The following GAPDH variants were observed in gnomAD, a reference collection of about 807,000 sequenced individuals.
The protein encoded by GAPDH is glyceraldehyde-3-phosphate dehydrogenase.
GAPDH carries 13 observed loss-of-function variants against 31.2 expected under a neutral mutation model. That is an observed-to-expected ratio of 0.42 (90% CI 0.27 to 0.66). The LOEUF is 0.66. GAPDH is among the 30% of genes least tolerant of loss of function. The probability of loss-of-function intolerance (pLI) is 0.26; values close to 1 mark genes in which losing one functional copy is unlikely to be tolerated. For synonymous variants in GAPDH, 211 were observed against 166.9 expected (o/e 1.26, Z -2.04); for missense variants, 300 against 443.7 (o/e 0.68, Z 2.91).
At chr12:6,534,888 C>G in intron 2 of GAPDH, 27 bp downstream of exon 2, 1 of 1,610,774 alleles carries the variant, frequency 6.2e-7, no homozygotes, top group Non-Finnish European at 8.5e-7. Flanking sequence ...CTGGGGGGCC[C>G]TGGGCTGCGA....
Position 6,537,494 on chromosome 12 carries a change from A to T in GAPDH, c.526-90A>T. 1.3e-6 allele frequency: 2 copies of T among 1,583,644 alleles called. No individual in the cohort carries two copies. Among genetic ancestry groups the T allele is most frequent in the Non-Finnish European group, 1.7e-6 (2 of 1,159,908 alleles). On this transcript the variant is annotated intron_variant, in intron 7 of 8. Coordinates refer to ENST00000229239, the MANE Select transcript of GAPDH (RefSeq NM_002046.7). This position sits in a 1 kb window ranked among gnomAD's most constrained non-coding sequence, Gnocchi z 4.9. ...AACCCTGGGGTTGGGGGTTCTGGGG[A>T]CTGGCTTTCCCATAATTTCCTTTCA... is the stretch of plus-strand genomic sequence containing the variant.
In GAPDH at chr12:6,534,846, A is replaced by G. The variant is rs1946423787; in HGVS notation, c.14A>G (p.Lys5Arg). The G allele has an allele frequency of 1.2e-6, 2 of 1,613,410 alleles. No individual in the cohort carries two copies. The highest frequency in any genetic ancestry group is 1.7e-5 in the Admixed American group (1 of 59,982). Residue 5 changes from lysine (K) to arginine (R), a missense_variant, in exon 2 of 9, where the codon AAG becomes AGG. Transcript: ENST00000229239. Reference protein sequence around the residue: MGKVKVGVNGFGRIG... With the variant: MGKVRVGVNGFGRIG... ...CGCTCAGACACCATGGGGAAGGTGA[A>G]GGTCGGAGTCAACGGGTGAGTTCGC...
chr12:6,535,247 G>A, intron 2 of GAPDH: 1 of 1,065,518 alleles, frequency 9.4e-7, no homozygotes, highest in Non-Finnish European at 1.1e-6. Flanking sequence ...ATGCTAGTGC[G>A]CAGCGGGTGC....
intron 1 of GAPDH, 95 bp downstream of exon 1, chr12:6,534,664 G>A (rs1946417391): frequency 4.1e-6 from 3 of 738,066 alleles, no homozygotes; most frequent in Admixed American, 2.1e-5. Flanking sequence ...GCTGCGGGGT[G>A]GGCCCGGGCG....
chr12:6,535,170 C>T lies in GAPDH; in HGVS notation c.29+309C>T, dbSNP rs1043792839. ...GTGGGGGACGCTTTCTTTCCTTTCG[C>T]GCTCTGCGGGGTCACGTGTCGCAGA... On this transcript the variant is annotated intron_variant, in intron 2 of 8. Coordinates refer to ENST00000229239, the MANE Select transcript of GAPDH (RefSeq NM_002046.7). 16 of 1,089,482 alleles carry T rather than the reference C, an allele frequency of 1.5e-5. No individual in the cohort carries two copies. In the African/African-American group the frequency reaches 2.0e-4, roughly 14 times the overall value. The allele number at this position is 1,089,482 out of a possible 1,614,324, so 67.5% of individuals were successfully genotyped here.
rs1221879462 is a variant in GAPDH at position 6,535,156 on chromosome 12, TTTC to T, written c.29+298_29+300del. Reference sequence around the variant, plus strand: ...ACCCGGACCCCTAGGTGGGGGACGCTTTCTTTCCTTTCGCGCTCTGCGGGGTCA... The same window carrying T: ...ACCCGGACCCCTAGGTGGGGGACGCTTTTCCTTTCGCGCTCTGCGGGGTCA... On this transcript the variant is annotated intron_variant, in intron 2 of 8. Transcript: ENST00000229239. 7 of 1,057,860 alleles carry T rather than the reference TTTC, an allele frequency of 6.6e-6. No homozygotes were observed. The African/African-American group carries it at 1.2e-4, about 18-fold the overall frequency. 65.5% of individuals were successfully genotyped at this position (1,057,860 alleles called of 1,614,324 possible). A position where few individuals can be genotyped will look rare whatever the true frequency, so the allele number is the denominator to read the frequency against.
chr12:6,538,012 CAG>C lies in GAPDH; in HGVS notation c.938+20_938+21del, dbSNP rs761427324. ...TCATTTCCTGGTATGTGGCTGGGGC[CAG>C]AGACTGGCTCTTAAAAAGTGCAGGG... On this transcript the variant is annotated intron_variant, in intron 8 of 8. Transcript: ENST00000229239. The C allele has an allele frequency of 5.0e-6, 8 of 1,594,912 alleles. No homozygotes were observed. In the East Asian group the frequency reaches 1.5e-4, roughly 29 times the overall value.
In GAPDH at chr12:6,535,068, G is replaced by A. The variant is rs542312642; in HGVS notation, c.29+207G>A. 193 of 782,106 alleles carry A rather than the reference G, an allele frequency of 2.5e-4. 3 individuals carry two copies. In the South Asian group the frequency reaches 3.3e-3, roughly 14 times the overall value. 48.4% of individuals were successfully genotyped at this position (782,106 alleles called of 1,614,324 possible). A position where few individuals can be genotyped will look rare whatever the true frequency, so the allele number is the denominator to read the frequency against. On this transcript the variant is annotated intron_variant, in intron 2 of 8. Coordinates refer to ENST00000229239, the MANE Select transcript of GAPDH (RefSeq NM_002046.7). ...CAGCTCCGCCCTTGCGGCGCCATCT[G>A]CCCGGAGCCTCCTTCCCCTAGTCCC...
intron 1 of GAPDH, 85 bp downstream of exon 1, chr12:6,534,654 G>A: frequency 1.4e-6 from 1 of 701,756 alleles, no homozygotes; most frequent in Admixed American, 2.2e-5. Flanking sequence ...TGTTCGCGCC[G>A]CTGCGGGGTG....
chr12:6,534,674 G>A, intron 1 of GAPDH, 105 bp downstream of exon 1: 2 of 796,116 alleles, frequency 2.5e-6, no homozygotes, highest in Non-Finnish European at 4.2e-6. Flanking sequence ...GGGCCCGGGC[G>A]GCCTCCGCAT....
At chr12:6,534,605 G>C in intron 1 of GAPDH, 36 bp downstream of exon 1, 1 of 580,452 alleles carries the variant, frequency 1.7e-6, no homozygotes. Flanking sequence ...GGAGGCTAGG[G>C]ACGGCCTGAA....
chr12:6,535,273 C>T (rs867239701), intron 2 of GAPDH: 3 of 1,019,688 alleles, frequency 2.9e-6, no homozygotes, highest in African/African-American at 3.4e-5. Flanking sequence ...TGTCCGGATG[C>T]TGCGCCTGCG....
rs768146299 is a variant in GAPDH at position 6,537,801 on chromosome 12, G to A, written c.743G>A (p.Arg248His). 1.4e-5 allele frequency: 22 copies of A among 1,611,710 alleles called. No individual in the cohort carries two copies. The highest frequency in any genetic ancestry group is 4.4e-5 in the South Asian group (4 of 90,996). Residue 248 changes from arginine (R) to histidine (H), a missense_variant, in exon 8 of 9, where the codon CGT (arginine) becomes CAT (histidine). Arg to His is a conservative substitution (Grantham distance 29). Coordinates refer to ENST00000229239, the MANE Select transcript of GAPDH (RefSeq NM_002046.7). This position sits in a 1 kb window ranked among gnomAD's most constrained non-coding sequence, Gnocchi z 4.9. ...GTGTCAGTGGTGGACCTGACCTGCC[G>A]TCTAGAAAAACCTGCCAAATATGAT... ...ANVSVVDLTC[R>H]LEKPAKYDDI...
In GAPDH at chr12:6,534,757, C is replaced by T. The variant is rs1592182978; in HGVS notation, c.-23-53C>T. The T allele has an allele frequency of 6.1e-6, 9 of 1,469,948 alleles. No homozygotes were observed. The East Asian group carries it at 6.8e-5, about 11-fold the overall frequency. The allele number at this position is 1,469,948 out of a possible 1,614,324, so 91.1% of individuals were successfully genotyped here. ...GCCTGGTGGGGGAGGGGAGGGGAGG[C>T]GTGTGTGTCGGCCGGGGCCACTAGG... is the stretch of plus-strand genomic sequence containing the variant. On this transcript the variant is annotated intron_variant, in intron 1 of 8. Coordinates refer to ENST00000229239, the MANE Select transcript of GAPDH (RefSeq NM_002046.7).
intron 2 of GAPDH, chr12:6,535,194 G>T: frequency 1.8e-6 from 2 of 1,101,826 alleles, no homozygotes; most frequent in Non-Finnish European, 2.3e-6. Context: ...ACGTGTCGCA[G>T]AGGAGCCCCT....
Position 6,536,478 on chromosome 12 carries a change from G to A in GAPDH, c.30-16G>A. The A allele has an allele frequency of 6.3e-7, 1 of 1,598,504 alleles. No homozygotes were observed. The highest frequency in any genetic ancestry group is 8.6e-7 in the Non-Finnish European group (1 of 1,166,392). ...GAGCCTCCCCTCCTCATGCCTTCTT[G>A]CCTCTTGTCTCTTAGATTTGGTCGT... On this transcript the variant is annotated splice_polypyrimidine_tract_variant and intron_variant, in intron 2 of 8. Coordinates refer to ENST00000229239, the MANE Select transcript of GAPDH (RefSeq NM_002046.7).
intron 2 of GAPDH, 145 bp downstream of exon 2, chr12:6,535,006 C>A: frequency 7.1e-6 from 7 of 988,800 alleles, no homozygotes; most frequent in Non-Finnish European, 1.0e-5. Context: ...GCGCTCGGAC[C>A]TGGCGGAGCC....
intron 2 of GAPDH, chr12:6,535,577 T>G: frequency 4.4e-6 from 2 of 455,626 alleles, no homozygotes; most frequent in Non-Finnish European, 5.8e-6. Context: ...CATGGGTAGT[T>G]GGAAAAGGAC....
intron 2 of GAPDH, chr12:6,535,230 C>T (rs1946437417): frequency 9.2e-7 from 1 of 1,085,818 alleles, no homozygotes; most frequent in African/African-American, 1.7e-5. Context: ...GCACCGCAGG[C>T]CCCGGGATGC....
Sources: gnomAD v4.1 joint callset for allele counts on GRCh38, gnomAD v4.1.1 for gene constraint, Gnocchi (gnomAD v3.1) non-coding constraint, MANE v1.5 for transcripts, NCBI Gene and HGNC (gene_info 2026-07-23, HGNC 2026-07-21) for gene names.